The following CLPTM1 variants were observed in gnomAD, a reference collection of about 807,000 sequenced individuals.
CLPTM1 encodes CLPTM1 regulator of GABA type A receptor forward trafficking, also known as putative lipid scramblase CLPTM1.
CLPTM1 carries 21 observed loss-of-function variants against 77.3 expected under a neutral mutation model. The ratio of observed to expected loss-of-function variants is 0.27; its 90% CI spans 0.19 to 0.39. The LOEUF is 0.39. Ranked by LOEUF, CLPTM1 falls within the 10% of genes least tolerant of loss-of-function variation. CLPTM1 has a pLI of 1.00. For synonymous variants in CLPTM1, 373 were observed against 381.0 expected (o/e 0.98, Z 0.24); for missense variants, 642 against 921.2 (o/e 0.70, Z 3.92).
intron 5 of CLPTM1, among the ~76,000 whole-genome samples, chr19:44,980,306 C>T (rs982345224): frequency 3.3e-5 from 5 of 151,684 alleles, no homozygotes; most frequent in East Asian, 2.0e-4. Flanking sequence ...GTCAGGACTT[C>T]GAGACCAGCC....
rs1002175135 is a variant in CLPTM1 at position 44,993,000 on chromosome 19, C to G, written c.*103C>G. On this transcript the variant is annotated 3_prime_UTR_variant, in exon 14 of 14. Coordinates refer to ENST00000337392, the MANE Select transcript of CLPTM1 (RefSeq NM_001294.4). This position sits in a 1 kb window ranked among gnomAD's most constrained non-coding sequence, Gnocchi z 7.7. ...TCGCCCTTTCCCTGGACAGATCAGG[C>G]CGGGGCGGTGGGAGGCCCGCCTCAG... 6 of 1,415,690 alleles carry G rather than the reference C, an allele frequency of 4.2e-6. No homozygotes were observed. Among genetic ancestry groups the G allele is most frequent in the Non-Finnish European group, 5.8e-6 (6 of 1,033,398 alleles). 87.7% of individuals were successfully genotyped at this position (1,415,690 alleles called of 1,614,324 possible).
chr19:44,992,900 G>C lies in CLPTM1; in HGVS notation c.*3G>C. On this transcript the variant is annotated 3_prime_UTR_variant, in exon 14 of 14. Coordinates refer to ENST00000337392, the MANE Select transcript of CLPTM1 (RefSeq NM_001294.4). This position sits in a 1 kb window ranked among gnomAD's most constrained non-coding sequence, Gnocchi z 7.7. ...CAGAGGACAAGAAAAAGGATTAGTCGAGACTGGTCCTCACCTGCTCCGGCT... is the reference window on the plus strand; with the variant it reads ...CAGAGGACAAGAAAAAGGATTAGTCCAGACTGGTCCTCACCTGCTCCGGCT... 6.2e-7 allele frequency: 1 copy of C among 1,612,764 alleles called. No individual in the cohort carries two copies. The highest frequency in any genetic ancestry group is 8.5e-7 in the Non-Finnish European group (1 of 1,179,728).
intron 6 of CLPTM1, among the ~76,000 whole-genome samples, chr19:44,985,791 C>T (rs1297117729): frequency 6.6e-6 from 1 of 151,420 alleles, no homozygotes; most frequent in African/African-American, 2.5e-5. Flanking sequence ...GAGACTTCCT[C>T]TCTCTGCGGG....
chr19:44,964,848 C>T (rs536613554), intron 2 of CLPTM1, among the ~76,000 whole-genome samples: 6 of 152,154 alleles, frequency 3.9e-5, no homozygotes, highest in Non-Finnish European at 8.8e-5. Flanking sequence ...AGCATTTGTC[C>T]TTCTGTGACT....
intron 2 of CLPTM1, 121 bp downstream of exon 2, chr19:44,962,196 T>C: frequency 2.1e-6 from 1 of 478,966 alleles, no homozygotes; most frequent in Non-Finnish European, 3.6e-6. Context: ...GTTGCTTTTT[T>C]TCTTTTTTTT....
chr19:44,980,544 T>G (rs1446135460), intron 5 of CLPTM1, among the ~76,000 whole-genome samples: 2 of 151,428 alleles, frequency 1.3e-5, no homozygotes, highest in South Asian at 4.2e-4. Flanking sequence ...AAAAGCCCCT[T>G]TTATCCCCAA....
rs73938297 is a variant in CLPTM1 at position 44,985,057 on chromosome 19, G to T, written c.587-161G>T. 3.1e-3 allele frequency among the ~76,000 whole-genome samples: 465 copies of T among 152,288 alleles called. 2 individuals carry two copies. The highest frequency in any genetic ancestry group is 0.011 in the African/African-American group (447 of 41,574). On this transcript the variant is annotated intron_variant, in intron 5 of 13. Coordinates refer to ENST00000337392, the MANE Select transcript of CLPTM1 (RefSeq NM_001294.4). ...GAACTGGGATTCGTTGAGATTTGGG[G>T]AGGCAGTTCTGGCATTCCAGGTCAC...
intron 2 of CLPTM1, among the ~76,000 whole-genome samples, chr19:44,963,042 C>CAA (rs143885749): frequency 3.4e-5 from 5 of 149,098 alleles, no homozygotes; most frequent in South Asian, 4.3e-4. Context: ...ATAAAAAATA[C>CAA]AAAAAAAATA....
rs1970754139 is a variant in CLPTM1 at position 44,973,455 on chromosome 19, T to C, written c.309+245T>C. ...AAAAAGCAAATTCATTTGGTTAAAA[T>C]AGGTTAAATCAGGGTCTTTGGATGT... On this transcript the variant is annotated intron_variant, in intron 3 of 13. Coordinates refer to ENST00000337392, the MANE Select transcript of CLPTM1 (RefSeq NM_001294.4). Among the ~76,000 whole-genome samples the C allele has an allele frequency of 3.3e-5, 5 of 152,254 alleles. No individual in the cohort carries two copies. The South Asian group carries it at 1.0e-3, about 32-fold the overall frequency.
At chr19:44,968,952 CT>C (rs1390880413) in intron 2 of CLPTM1, among the ~76,000 whole-genome samples, 1 of 152,176 alleles carries the variant, frequency 6.6e-6, no homozygotes, top group African/African-American at 2.4e-5. Flanking sequence ...ACCCCAGGGC[CT>C]TGTGGCTTCT....
At chr19:44,964,938 C>T (rs1400440830) in intron 2 of CLPTM1, among the ~76,000 whole-genome samples, 1 of 152,062 alleles carries the variant, frequency 6.6e-6, no homozygotes, top group Non-Finnish European at 1.5e-5. Flanking sequence ...TTTTCAAAGC[C>T]CAGCTTCTGT....
At chr19:44,986,233 C>A (rs1305004475) in intron 6 of CLPTM1, among the ~76,000 whole-genome samples, 1 of 151,978 alleles carries the variant, frequency 6.6e-6, no homozygotes, top group Non-Finnish European at 1.5e-5. Flanking sequence ...CATGGTGGCT[C>A]ACGCCTCTAA....
chr19:44,954,626 AG>A (rs894218092), upstream of CLPTM1: 11 of 1,077,454 alleles, frequency 1.0e-5, no homozygotes, highest in Admixed American at 3.4e-4. Context: ...CCGGGTTTAG[AG>A]CTGTACGAAG....
At chr19:44,989,650 A>G (rs1971037869) in intron 9 of CLPTM1, among the ~76,000 whole-genome samples, 1 of 152,148 alleles carries the variant, frequency 6.6e-6, no homozygotes, top group Non-Finnish European at 1.5e-5. Flanking sequence ...CCCTGAGTGC[A>G]GAGCTGGCCC....
intron 5 of CLPTM1, among the ~76,000 whole-genome samples, chr19:44,983,350 G>A (rs1421168663): frequency 6.6e-6 from 1 of 152,132 alleles, no homozygotes; most frequent in Non-Finnish European, 1.5e-5. Context: ...CCCGGGCTCA[G>A]TGGCTCACGC....
Position 44,991,907 on chromosome 19 carries a change from A to G in CLPTM1, c.1556-326A>G, listed in dbSNP as rs1971081763. ...GTGACAGAGTGAGACCCTGTCTCAA[A>G]AAACAAAAGACCGGGTGAATCACAG... is the stretch of plus-strand genomic sequence containing the variant. On this transcript the variant is annotated intron_variant, in intron 12 of 13. Transcript: ENST00000337392. This position sits in a 1 kb window ranked among gnomAD's most constrained non-coding sequence, Gnocchi z 5.4. Among the ~76,000 whole-genome samples, 1 of 150,644 alleles carries G rather than the reference A, an allele frequency of 6.6e-6. No individual in the cohort carries two copies. The highest frequency in any genetic ancestry group is 2.1e-4 in the South Asian group (1 of 4,798).
chr19:44,971,351 T>G (rs143054891), intron 2 of CLPTM1, among the ~76,000 whole-genome samples: 3 of 152,252 alleles, frequency 2.0e-5, no homozygotes, highest in Non-Finnish European at 2.9e-5. Context: ...TATTGATATT[T>G]TCTTAGTGTA....
Position 44,977,407 on chromosome 19 carries a change from AC to A in CLPTM1, c.538del (p.Arg180GlyfsTer17). 1 of 1,609,156 alleles carries A rather than the reference AC, an allele frequency of 6.2e-7. No homozygotes were observed. Reference protein sequence around the residue: ...VYFTKSGFHPDPRQKALYRRL... With the variant: ...VYFTKSGFHPXPRQKALYRRL... ...TTCACCAAGAGTGGCTTCCACCCAGACCCCCGGCAGAAGGCCCTGTACCGCC... is the reference window on the plus strand; with the variant it reads ...TTCACCAAGAGTGGCTTCCACCCAGACCCCGGCAGAAGGCCCTGTACCGCC... On this transcript the variant is annotated frameshift_variant, in exon 5 of 14. Transcript: ENST00000337392. LOFTEE classifies it high-confidence loss of function.
At chr19:44,962,393 A>G (rs1405015953) in intron 2 of CLPTM1, among the ~76,000 whole-genome samples, 1 of 152,172 alleles carries the variant, frequency 6.6e-6, no homozygotes, top group Non-Finnish European at 1.5e-5. Flanking sequence ...AGTAGCTTAA[A>G]CAACTGAAAT....
Sources: allele counts gnomAD v4.1 joint callset (sites outside exome capture counted in the v4.1 genomes callset), GRCh38; gene constraint gnomAD v4.1.1; non-coding constraint Gnocchi (gnomAD v3.1); transcripts MANE v1.5; gene names NCBI Gene and HGNC (gene_info 2026-07-23, HGNC 2026-07-21).